Variants in CLDN10 observed in about 807,000 individuals in gnomAD.
The protein encoded by CLDN10 is claudin 10.
A neutral mutation model predicts 22.9 loss-of-function variants in CLDN10; 15 were observed. That is an observed-to-expected ratio of 0.65 (90% CI 0.44 to 1.01). The LOEUF is 1.01. Among genes scored for constraint, CLDN10 ranks in the 50% least tolerant of loss-of-function variants. The pLI is 0.00. For synonymous variants in CLDN10, 114 were observed against 111.4 expected (o/e 1.02, Z -0.15); for missense variants, 247 against 287.8 (o/e 0.86, Z 1.03).
At chr13:95,486,733 C>T (rs1469547533) in intron 1 of CLDN10, among the ~76,000 whole-genome samples, 1 of 151,990 alleles carries the variant, frequency 6.6e-6, no homozygotes, top group Non-Finnish European at 1.5e-5. Flanking sequence ...TTTTCTTTTT[C>T]CATCCTGGCC....
intron 1 of CLDN10, among the ~76,000 whole-genome samples, chr13:95,495,724 A>G (rs1594563342): frequency 1.4e-5 from 2 of 145,984 alleles, no homozygotes; most frequent in East Asian, 4.1e-4. Flanking sequence ...AGCCTGGGCG[A>G]CAGAGCCAGA....
intron 1 of CLDN10, among the ~76,000 whole-genome samples, chr13:95,491,355 TTTA>T (rs1453114878): frequency 6.6e-6 from 1 of 151,976 alleles, no homozygotes; most frequent in Non-Finnish European, 1.5e-5. Context: ...TTGTTCATAT[TTTA>T]TTATTCTTTT....
intron 1 of CLDN10, among the ~76,000 whole-genome samples, chr13:95,464,364 T>A (rs1254993623): frequency 1.3e-5 from 2 of 152,150 alleles, no homozygotes; most frequent in Non-Finnish European, 2.9e-5. Context: ...TGGTTTTTTG[T>A]CCTTGCGATA....
chr13:95,568,636 CTTAT>C (rs2043815667), intron 3 of CLDN10, among the ~76,000 whole-genome samples: 1 of 152,042 alleles, frequency 6.6e-6, no homozygotes, highest in African/African-American at 2.4e-5. Context: ...TTTGCACCTG[CTTAT>C]TTATTGGTTG....
chr13:95,536,509 C>A (rs1359493975), intron 1 of CLDN10, among the ~76,000 whole-genome samples: 1 of 152,158 alleles, frequency 6.6e-6, no homozygotes, highest in African/African-American at 2.4e-5. Context: ...ACAAAACTTA[C>A]AGCCTCAAGA....
chr13:95,558,025 C>T (rs565269268), intron 1 of CLDN10, among the ~76,000 whole-genome samples: 1 of 152,278 alleles, frequency 6.6e-6, no homozygotes, highest in South Asian at 2.1e-4. Context: ...AATTAGGGTA[C>T]ATGCTAATGT....
intron 3 of CLDN10, among the ~76,000 whole-genome samples, chr13:95,570,382 A>C (rs2043838871): frequency 1.3e-5 from 2 of 152,352 alleles, no homozygotes; most frequent in South Asian, 4.1e-4. Context: ...TTTGAATTGA[A>C]CTATGTGACT....
intron 1 of CLDN10, among the ~76,000 whole-genome samples, chr13:95,466,732 T>A (rs1389975866): frequency 6.6e-6 from 1 of 152,030 alleles, no homozygotes; most frequent in Non-Finnish European, 1.5e-5. Flanking sequence ...GCAAAAAAAA[T>A]AAAGCATTTA....
At chr13:95,469,889 G>T (rs9805271) in intron 1 of CLDN10, among the ~76,000 whole-genome samples, 1,995 of 152,276 alleles carry the variant, frequency 0.013, 54 homozygotes, top group African/African-American at 0.046. Context: ...AATTGAATAT[G>T]TATCTGGTAT....
At chr13:95,545,235 T>C (rs140771904) in intron 1 of CLDN10, among the ~76,000 whole-genome samples, 6 of 152,256 alleles carry the variant, frequency 3.9e-5, no homozygotes, top group Middle Eastern at 3.4e-3. Context: ...CTTTATGACC[T>C]AATGTGCATT....
rs541928611 is a variant in CLDN10 at position 95,540,215 on chromosome 13, G to T, written c.215-19917G>T. Among the ~76,000 whole-genome samples the T allele has an allele frequency of 2.2e-3, 336 of 152,082 alleles. 3 individuals are homozygous for T. The highest frequency in any genetic ancestry group is 3.8e-3 in the Non-Finnish European group (255 of 67,994). On this transcript the variant is annotated intron_variant, in intron 1 of 4. Coordinates refer to the CLDN10 transcript ENST00000376873. ...CTTGGGAGGCTGAGGCAGAAGAATC[G>T]CTTGGACCCGGGAGATGGAGGTTAC...
intron 1 of CLDN10, among the ~76,000 whole-genome samples, chr13:95,496,840 T>TA (rs1363718485): frequency 3.3e-5 from 5 of 152,220 alleles, no homozygotes; most frequent in African/African-American, 1.2e-4. Context: ...AAGCCTCCAG[T>TA]ACATGACACT....
intron 1 of CLDN10, among the ~76,000 whole-genome samples, chr13:95,468,808 AACAG>A (rs1302225185): frequency 6.6e-6 from 1 of 152,146 alleles, no homozygotes; most frequent in African/African-American, 2.4e-5. Context: ...AGGCCTTTTC[AACAG>A]ACAGAGCTAA....
At position 95,488,988 on chromosome 13, in the gene CLDN10, G is replaced by A. The variant is rs527709606; in HGVS notation, c.214+54941G>A. Among the ~76,000 whole-genome samples the A allele has an allele frequency of 4.8e-5, 6 of 125,410 alleles. No individual in the cohort carries two copies. In the South Asian group the frequency reaches 1.2e-3, roughly 26 times the overall value. The allele number at this position is 125,410 out of a possible 152,430, so 82.3% of individuals were successfully genotyped here. On this transcript the variant is annotated intron_variant, in intron 1 of 4. Coordinates refer to the CLDN10 transcript ENST00000376873. The stretch of plus-strand genomic sequence containing the variant: ...TTTTTTTTGAAACGGAGTTTCTCTC[G>A]TCACCCAGGCTAGAGTGCAATGGCA...
chr13:95,443,952 C>T (rs1026877893), intron 1 of CLDN10, among the ~76,000 whole-genome samples: 1 of 152,042 alleles, frequency 6.6e-6, no homozygotes, highest in African/African-American at 2.4e-5. Context: ...ATGCCAGAGC[C>T]CTTGGTGGTG....
intron 1 of CLDN10, among the ~76,000 whole-genome samples, chr13:95,469,006 A>G (rs1312513068): frequency 6.6e-6 from 1 of 152,150 alleles, no homozygotes; most frequent in African/African-American, 2.4e-5. Flanking sequence ...ATGATTTCAT[A>G]ATAATCATAC....
chr13:95,488,242 CA>C (rs1270135725), intron 1 of CLDN10, among the ~76,000 whole-genome samples: 5,776 of 67,738 alleles, frequency 0.085, 134 homozygotes, highest in Middle Eastern at 0.16. Context: ...GACCCCATCT[CA>C]AAAAAAAAAA....
rs9590270 is a variant in CLDN10, at chr13:95,437,884, A to G, written c.214+3837A>G. ...CTGTGCCTCATCCATAAATTAAGAG[A>G]ACAGATCTCCAAGAGTTCCTTCAGG... On this transcript the variant is annotated intron_variant, in intron 1 of 4. Transcript: ENST00000376873. 1.1e-3 allele frequency among the ~76,000 whole-genome samples: 171 copies of G among 152,282 alleles called. 2 individuals carry two copies. Among genetic ancestry groups the G allele is most frequent in the African/African-American group, 3.9e-3 (162 of 41,560 alleles).
chr13:95,433,775 C>T, exon 1 of CLDN10: 1 of 1,570,032 alleles, frequency 6.4e-7, no homozygotes, highest in Non-Finnish European at 8.7e-7. Flanking sequence ...CTATCGGCTG[C>T]ATGCCTAGAC....
Sources: gnomAD v4.1 joint callset for allele counts (sites outside exome capture counted in the v4.1 genomes callset) on GRCh38, gnomAD v4.1.1 for gene constraint, MANE v1.5 for transcripts, NCBI Gene and HGNC (gene_info 2026-07-23, HGNC 2026-07-21) for gene names.